Variants in GRM3 observed in about 807,000 individuals in gnomAD.
The protein encoded by GRM3 is metabotropic glutamate receptor 3.
Under a neutral mutation model 70.5 loss-of-function variants are expected in GRM3, and 26 were observed. That is an observed-to-expected ratio of 0.37 (90% CI 0.27 to 0.51). The LOEUF (loss-of-function observed/expected upper bound fraction) is 0.51. Ranked by LOEUF, GRM3 falls within the 20% of genes least tolerant of loss-of-function variation. The pLI is 0.93. For missense variants in GRM3, 859 were observed against 1,123.8 expected, an observed-to-expected ratio of 0.76 and a Z score of 3.37; for synonymous variants, 443 against 434.9, an observed-to-expected ratio of 1.02 and a Z score of -0.23.
chr7:86,785,685 A>ATTTTTTTTTTTTTTTTTTTTTTTTT (rs749456155), intron 2 of GRM3, among the ~76,000 whole-genome samples: 7 of 65,234 alleles, frequency 1.1e-4, no homozygotes, highest in African/African-American at 2.8e-4. Flanking sequence ...AATAGAATTG[A>ATTTTTTTTTTTTTTTTTTTTTTTTT]TTTTTTTTTT....
At chr7:86,809,382 A>G (rs1258414778) in intron 3 of GRM3, among the ~76,000 whole-genome samples, 1 of 152,100 alleles carries the variant, frequency 6.6e-6, no homozygotes, top group South Asian at 2.1e-4. Flanking sequence ...AAAAATTCAC[A>G]GAGGGATATT....
chr7:86,695,392 A>G (rs1057233975), intron 1 of GRM3, among the ~76,000 whole-genome samples: 1 of 152,198 alleles, frequency 6.6e-6, no homozygotes, highest in Non-Finnish European at 1.5e-5. Flanking sequence ...AGTTTCGAAT[A>G]TATATATTTC....
At position 86,656,260 on chromosome 7, in the gene GRM3, C is replaced by CTTTTTTTT. The variant is rs1165969016; in HGVS notation, c.-141+11404_-141+11411dup. Among the ~76,000 whole-genome samples, 216 of 83,220 alleles carry CTTTTTTTT rather than the reference C, an allele frequency of 2.6e-3. 1 individual carries two copies. Among genetic ancestry groups the CTTTTTTTT allele is most frequent in the East Asian group, 5.0e-3 (13 of 2,600 alleles). 54.6% of individuals were successfully genotyped at this position (83,220 alleles called of 152,430 possible). ...CCATTTTGTGACACTATACTATGTTCTTTTTTTTTTTTTTTTTTTTTTTGA... is the reference window on the plus strand; with the variant it reads ...CCATTTTGTGACACTATACTATGTTCTTTTTTTTTTTTTTTTTTTTTTTTTTTTTTTGA... On this transcript the variant is annotated intron_variant, in intron 1 of 5. Coordinates refer to ENST00000361669, the MANE Select transcript of GRM3 (RefSeq NM_000840.3).
At chr7:86,673,796 G>A (rs1014520621) in intron 1 of GRM3, among the ~76,000 whole-genome samples, 1 of 152,032 alleles carries the variant, frequency 6.6e-6, no homozygotes, top group African/African-American at 2.4e-5. Context: ...TACCCTGGTT[G>A]CCCAAGCCAG....
chr7:86,855,880 G>GA (rs1798836550), intron 5 of GRM3, among the ~76,000 whole-genome samples: 1 of 152,080 alleles, frequency 6.6e-6, no homozygotes, highest in South Asian at 2.1e-4. Context: ...TTCAGCCCCC[G>GA]AAAAACAGCA....
chr7:86,824,237 G>A (rs1215907905), intron 3 of GRM3, among the ~76,000 whole-genome samples: 1 of 152,152 alleles, frequency 6.6e-6, no homozygotes, highest in African/African-American at 2.4e-5. Context: ...ATAAGATGGT[G>A]GGAAAAGAAG....
chr7:86,749,938 C>G (rs1314027455), intron 1 of GRM3, among the ~76,000 whole-genome samples: 1 of 151,990 alleles, frequency 6.6e-6, no homozygotes, highest in Non-Finnish European at 1.5e-5. Flanking sequence ...GAGTCCTGAG[C>G]AAGTAGCACT....
At chr7:86,819,674 T>C (rs1798081027) in intron 3 of GRM3, among the ~76,000 whole-genome samples, 1 of 152,126 alleles carries the variant, frequency 6.6e-6, no homozygotes, top group Non-Finnish European at 1.5e-5. Context: ...TGCAGTGCAG[T>C]TTCTCAGGGG....
chr7:86,688,696 A>G (rs534331724), intron 1 of GRM3, among the ~76,000 whole-genome samples: 3 of 149,666 alleles, frequency 2.0e-5, no homozygotes, highest in African/African-American at 4.9e-5. Context: ...TATCATATAT[A>G]TATATGAGAA....
In GRM3 at chr7:86,765,498, C is replaced by A. The variant is rs1187138277; in HGVS notation, c.353C>A (p.Thr118Lys). 1 of 1,613,860 alleles carries A rather than the reference C, an allele frequency of 6.2e-7. No individual in the cohort carries two copies. ...CTGGAGTTTGTCAGGGCATCTTTGA[C>A]AAAAGTGGATGAAGCTGAGTATATG... ...QSLEFVRASL[T>K]KVDEAEYMCP... The change falls in exon 2 of 6, where the codon ACA becomes AAA. Residue 118 changes from threonine to lysine, a missense_variant. Thr to Lys is a moderately conservative substitution (Grantham distance 78). Coordinates refer to ENST00000361669, the MANE Select transcript of GRM3 (RefSeq NM_000840.3).
At chr7:86,772,641 C>T (rs1296551556) in intron 2 of GRM3, among the ~76,000 whole-genome samples, 3 of 151,994 alleles carry the variant, frequency 2.0e-5, no homozygotes, top group African/African-American at 7.2e-5. Context: ...AGTCTCTCCA[C>T]GGGAAGAATA....
chr7:86,686,748 T>G (rs73704994), intron 1 of GRM3, among the ~76,000 whole-genome samples: 3,231 of 152,180 alleles, frequency 0.021, 118 homozygotes, highest in African/African-American at 0.072. Flanking sequence ...CATACAAGGC[T>G]TGCTAAAAAC....
chr7:86,718,544 G>T (rs1369491721), intron 1 of GRM3, among the ~76,000 whole-genome samples: 1 of 151,920 alleles, frequency 6.6e-6, no homozygotes, highest in Admixed American at 6.6e-5. Context: ...TTGCTGGTTT[G>T]CTAGGGGAGG....
intron 1 of GRM3, among the ~76,000 whole-genome samples, chr7:86,764,419 C>T (rs1370190468): frequency 2.0e-5 from 3 of 152,100 alleles, no homozygotes; most frequent in African/African-American, 7.2e-5. Flanking sequence ...GCTTTTTCCA[C>T]AACACTTTTG....
chr7:86,663,923 A>T (rs939147933), intron 1 of GRM3, among the ~76,000 whole-genome samples: 2 of 152,052 alleles, frequency 1.3e-5, no homozygotes, highest in African/African-American at 2.4e-5. Context: ...GGATGAGTAG[A>T]GTTAACTAAG....
chr7:86,845,634 C>A (rs1798640591), intron 4 of GRM3, among the ~76,000 whole-genome samples: 1 of 152,122 alleles, frequency 6.6e-6, no homozygotes. Context: ...AAATTTTAAT[C>A]TAGCCTTAAG....
chr7:86,790,293 A>C (rs1051643987), intron 3 of GRM3, among the ~76,000 whole-genome samples: 2 of 152,098 alleles, frequency 1.3e-5, no homozygotes, highest in African/African-American at 4.8e-5. Flanking sequence ...GCCTTCCTTC[A>C]TACTTTATAT....
intron 3 of GRM3, among the ~76,000 whole-genome samples, chr7:86,836,622 T>C (rs910350622): frequency 7.9e-5 from 12 of 152,100 alleles, no homozygotes; most frequent in African/African-American, 2.9e-4. Flanking sequence ...GAATAACATC[T>C]CCCTCCTCCC....
At chr7:86,821,685 G>A (rs1235385600) in intron 3 of GRM3, among the ~76,000 whole-genome samples, 1 of 152,064 alleles carries the variant, frequency 6.6e-6, no homozygotes, top group African/African-American at 2.4e-5. Flanking sequence ...GCAAATAAAC[G>A]ATTCCTCGAA....
Sources: allele counts gnomAD v4.1 joint callset (sites outside exome capture counted in the v4.1 genomes callset), GRCh38; gene constraint gnomAD v4.1.1; transcripts MANE v1.5; gene names NCBI Gene and HGNC (gene_info 2026-07-23, HGNC 2026-07-21).